The following TAF4B variants were observed in gnomAD, a reference collection of about 807,000 sequenced individuals.
TAF4B encodes transcription initiation factor TFIID subunit 4B.
TAF4B carries 38 observed loss-of-function variants against 86.4 expected under a neutral mutation model. The observed-to-expected ratio is 0.44, with a 90% CI of 0.34 to 0.58. The LOEUF (loss-of-function observed/expected upper bound fraction) is 0.58, where lower values mean the gene tolerates loss of function less well. Among genes scored for constraint, TAF4B ranks in the 20% least tolerant of loss-of-function variants. TAF4B has a pLI of 0.02. For missense variants in TAF4B, 988 were observed against 1,027.6 expected (o/e 0.96, Z 0.53); for synonymous variants, 388 against 391.2 (o/e 0.99, Z 0.10).
At chr18:26,320,167 A>G (rs1328893692) in intron 10 of TAF4B, among the ~76,000 whole-genome samples, 1 of 152,246 alleles carries the variant, frequency 6.6e-6, no homozygotes, top group Non-Finnish European at 1.5e-5. Flanking sequence ...AGAATATAAA[A>G]TCAAACTATA....
chr18:26,338,997 C>G (rs371212471), intron 13 of TAF4B, among the ~76,000 whole-genome samples: 1 of 152,312 alleles, frequency 6.6e-6, no homozygotes, highest in East Asian at 1.9e-4. Flanking sequence ...TAGTCTTATT[C>G]CATTGAAGAA....
chr18:26,389,942 T>G lies in TAF4B; in HGVS notation c.2519T>G (p.Leu840Trp). 1 of 1,614,158 alleles carries G rather than the reference T, an allele frequency of 6.2e-7. No homozygotes were observed. The highest frequency in any genetic ancestry group is 8.5e-7 in the Non-Finnish European group (1 of 1,180,006). Residue 840 changes from leucine (L) to tryptophan (W), a missense_variant, in exon 15 of 15, where the codon TTG (leucine) becomes TGG (tryptophan). Coordinates refer to ENST00000269142, the MANE Select transcript of TAF4B (RefSeq NM_005640.3). ...ATCACGAGAATCTGCCTCAGGGACT[T>G]GATATTTTGTATGGAACAGGAACGG... ...PRITRICLRD[L>W]IFCMEQEREM... is the part of the protein sequence containing the mutation.
intron 1 of TAF4B, chr18:26,256,428 G>T: frequency 1.2e-6 from 1 of 849,298 alleles, no homozygotes; most frequent in South Asian, 1.4e-5. Context: ...GGTGCAGAGT[G>T]CACGCCAGGC....
At chr18:26,376,117 A>T (rs1419473593) in intron 14 of TAF4B, among the ~76,000 whole-genome samples, 2 of 152,058 alleles carry the variant, frequency 1.3e-5, no homozygotes, top group African/African-American at 2.4e-5. Context: ...ACTTTGTAGT[A>T]AGTTTTGAAA....
rs569364381 is a variant in TAF4B, at chr18:26,232,460, C to T, written c.343+5184C>T. Among the ~76,000 whole-genome samples, 20 of 152,126 alleles carry T rather than the reference C, an allele frequency of 1.3e-4. No individual in the cohort carries two copies. The South Asian group carries it at 1.9e-3, about 14-fold the overall frequency. ...AAGACCATCTGTAGCTTGATGGCCT[C>T]GATCCTGAAGGAAACAAATTTGACA... On this transcript the variant is annotated intron_variant, in intron 1 of 14. Coordinates refer to ENST00000269142, the MANE Select transcript of TAF4B (RefSeq NM_005640.3).
At chr18:26,233,777 A>C (rs1477692422) in intron 1 of TAF4B, among the ~76,000 whole-genome samples, 1 of 152,220 alleles carries the variant, frequency 6.6e-6, no homozygotes, top group Non-Finnish European at 1.5e-5. Flanking sequence ...AACACAGACC[A>C]ACAAGTATTG....
intron 13 of TAF4B, among the ~76,000 whole-genome samples, chr18:26,355,879 A>G (rs2057285059): frequency 1.3e-5 from 2 of 152,204 alleles, no homozygotes; most frequent in South Asian, 2.1e-4. Context: ...GCCAGCAGCA[A>G]CAAGAGATAT....
intron 5 of TAF4B, among the ~76,000 whole-genome samples, chr18:26,275,525 T>C (rs964601913): frequency 5.9e-5 from 9 of 152,240 alleles, no homozygotes; most frequent in African/African-American, 1.7e-4. Context: ...GTAAAGACTA[T>C]AAATCTTGGC....
At chr18:26,301,511 C>A (rs1051386403) in intron 9 of TAF4B, among the ~76,000 whole-genome samples, 8 of 152,034 alleles carry the variant, frequency 5.3e-5, no homozygotes, top group African/African-American at 1.7e-4. Flanking sequence ...CCAGACTGGT[C>A]TTGAACTCCA....
At chr18:26,292,190 A>C in intron 7 of TAF4B, 56 bp from the exon 8 acceptor site, 3 of 1,559,560 alleles carry the variant, frequency 1.9e-6, no homozygotes, top group Non-Finnish European at 2.6e-6. Flanking sequence ...CTGAAATCTT[A>C]TCCTTTTCTA....
intron 7 of TAF4B, 41 bp from the exon 8 acceptor site, chr18:26,292,205 C>CT: frequency 1.3e-6 from 2 of 1,590,286 alleles, no homozygotes; most frequent in South Asian, 2.3e-5. Flanking sequence ...TTTCTAAAGC[C>CT]TTAAGTTGAA....
chr18:26,236,220 G>C (rs2055745432), intron 1 of TAF4B, among the ~76,000 whole-genome samples: 1 of 152,164 alleles, frequency 6.6e-6, no homozygotes, highest in Non-Finnish European at 1.5e-5. Context: ...TAACAAGAAA[G>C]GCACGTGAAA....
At chr18:26,366,935 A>G (rs1010169599) in intron 14 of TAF4B, among the ~76,000 whole-genome samples, 1 of 152,244 alleles carries the variant, frequency 6.6e-6, no homozygotes, top group Non-Finnish European at 1.5e-5. Flanking sequence ...CTGTAAGATC[A>G]TACTATTGTT....
At chr18:26,228,190 A>G (rs1255534771) in intron 1 of TAF4B, among the ~76,000 whole-genome samples, 2 of 152,214 alleles carry the variant, frequency 1.3e-5, no homozygotes, top group African/African-American at 4.8e-5. Context: ...TGGGGTGTTC[A>G]GCCTTTCTTT....
At chr18:26,365,002 CTTTTTTTTTTTT>C (rs1236686001) in intron 14 of TAF4B, among the ~76,000 whole-genome samples, 3 of 109,244 alleles carry the variant, frequency 2.7e-5, no homozygotes, top group East Asian at 2.4e-4. Flanking sequence ...TAATTCTATT[CTTTTTTTTTTTT>C]TTTTTTTTTT....
At chr18:26,290,042 A>C (rs1269382405) in intron 7 of TAF4B, among the ~76,000 whole-genome samples, 1 of 152,234 alleles carries the variant, frequency 6.6e-6, no homozygotes, top group Non-Finnish European at 1.5e-5. Flanking sequence ...TTTTTAAAAG[A>C]ATAAGACATT....
chr18:26,352,153 T>A (rs985498766), intron 13 of TAF4B, among the ~76,000 whole-genome samples: 2 of 152,026 alleles, frequency 1.3e-5, no homozygotes, highest in African/African-American at 4.8e-5. Context: ...AACAAAATGA[T>A]AGACCTTAAT....
chr18:26,321,380 A>G (rs1207707667), intron 11 of TAF4B, among the ~76,000 whole-genome samples, 180 bp downstream of exon 11: 1 of 152,192 alleles, frequency 6.6e-6, no homozygotes, highest in African/African-American at 2.4e-5. Context: ...ATTAAAATGG[A>G]GTTTAAAATG....
intron 5 of TAF4B, among the ~76,000 whole-genome samples, chr18:26,276,235 A>G (rs1188070843): frequency 6.6e-6 from 1 of 152,108 alleles, no homozygotes; most frequent in African/African-American, 2.4e-5. Context: ...TGATGTTTAT[A>G]TGAGTGCCAA....
Sources: allele counts gnomAD v4.1 joint callset (sites outside exome capture counted in the v4.1 genomes callset), GRCh38; gene constraint gnomAD v4.1.1; transcripts MANE v1.5; gene names NCBI Gene and HGNC (gene_info 2026-07-23, HGNC 2026-07-21).